PPIP5K2: variants seen among roughly 807,000 people sequenced by gnomAD.
PPIP5K2 encodes the protein diphosphoinositol pentakisphosphate kinase 2, also known as inositol hexakisphosphate and diphosphoinositol-pentakisphosphate kinase 2.
In PPIP5K2, 105 loss-of-function variants were observed where a neutral mutation model predicts 154.6. The ratio of observed to expected loss-of-function variants is 0.68; its 90% CI spans 0.58 to 0.80. The LOEUF is 0.80. Among genes scored for constraint, PPIP5K2 ranks in the 30% least tolerant of loss-of-function variants. The pLI is 0.00. For missense variants in PPIP5K2, 992 were observed against 1,504.6 expected (o/e 0.66, Z 5.64); for synonymous variants, 480 against 490.3 (o/e 0.98, Z 0.28).
rs1449795176 is a variant in PPIP5K2, at chr5:103,208,838, G to A, written c.*7204G>A. The A allele has an allele frequency of 6.6e-6, 1 of 152,066 alleles. No homozygotes were observed. Among genetic ancestry groups the A allele is most frequent in the Non-Finnish European group, 1.5e-5 (1 of 68,028 alleles). The allele number at this position is 152,066 out of a possible 1,614,324, so 9.4% of individuals were successfully genotyped here. ...GCTCTATCTCCTATTTTGGGGTTGA[G>A]GTTAAAGTGTCTTCTAGTTTTGTTG... On this transcript the variant is annotated 3_prime_UTR_variant, in exon 31 of 31. Coordinates refer to ENST00000358359, the MANE Select transcript of PPIP5K2 (RefSeq NM_001276277.3).
intron 3 of PPIP5K2, among the ~76,000 whole-genome samples, chr5:103,135,804 A>G (rs886378411): frequency 3.9e-5 from 6 of 152,112 alleles, no homozygotes; most frequent in African/African-American, 1.2e-4. Flanking sequence ...GTTCTTCACT[A>G]TATCTACTAT....
intron 19 of PPIP5K2, among the ~76,000 whole-genome samples, chr5:103,170,350 A>G (rs782531704): frequency 2.0e-5 from 3 of 151,700 alleles, no homozygotes; most frequent in South Asian, 2.1e-4. Flanking sequence ...TCAGTATGTT[A>G]TGGTGATTCT....
intron 15 of PPIP5K2, 54 bp downstream of exon 15, chr5:103,158,367 A>T (rs1795734592): frequency 1.3e-6 from 2 of 1,596,520 alleles, no homozygotes; most frequent in African/African-American, 2.7e-5. Context: ...GTATTTTGAA[A>T]TCCTCATTTG....
chr5:103,153,606 A>C (rs1554212001), intron 10 of PPIP5K2, among the ~76,000 whole-genome samples: 1 of 151,926 alleles, frequency 6.6e-6, no homozygotes, highest in East Asian at 1.9e-4. Context: ...TTTCTAGAGA[A>C]GAAAAGGTTG....
chr5:103,147,648 A>G (rs1554209658), intron 6 of PPIP5K2, among the ~76,000 whole-genome samples: 1 of 151,966 alleles, frequency 6.6e-6, no homozygotes, highest in East Asian at 1.9e-4. Context: ...AGTAGTAAAA[A>G]TGAACAAGCT....
At chr5:103,171,778 C>T (rs959464039) in intron 19 of PPIP5K2, among the ~76,000 whole-genome samples, 3 of 151,428 alleles carry the variant, frequency 2.0e-5, no homozygotes, top group Admixed American at 6.6e-5. Context: ...TCCATAAATG[C>T]GTATATATAG....
At chr5:103,141,226 G>A (rs1443070108) in intron 5 of PPIP5K2, among the ~76,000 whole-genome samples, 2 of 152,124 alleles carry the variant, frequency 1.3e-5, no homozygotes, top group African/African-American at 2.4e-5. Context: ...GCAGACCCTC[G>A]CGGTGAGTGT....
chr5:103,131,531 CAATTT>C (rs1263729642), intron 2 of PPIP5K2, among the ~76,000 whole-genome samples: 1 of 152,042 alleles, frequency 6.6e-6, no homozygotes, highest in African/African-American at 2.4e-5. Context: ...CCATGTATCA[CAATTT>C]ATTTTATTAT....
chr5:103,196,906 A>G (rs1802167288), intron 30 of PPIP5K2, among the ~76,000 whole-genome samples: 1 of 152,120 alleles, frequency 6.6e-6, no homozygotes, highest in South Asian at 2.1e-4. Context: ...AGTGGGAAAA[A>G]GAAGGATCAT....
At chr5:103,163,603 A>T (rs1796685101) in intron 17 of PPIP5K2, among the ~76,000 whole-genome samples, 1 of 151,964 alleles carries the variant, frequency 6.6e-6, no homozygotes, top group Admixed American at 6.6e-5. Context: ...TAAAAGTAGC[A>T]TTTCTAGTAA....
rs1554210429 is a variant in PPIP5K2, at chr5:103,149,220, G to A, written c.813G>A (p.Val271=). 3 of 1,613,804 alleles carry A rather than the reference G, an allele frequency of 1.9e-6. No homozygotes were observed. The highest frequency in any genetic ancestry group is 1.7e-5 in the Admixed American group (1 of 59,988). ...AATCTCCAGCACTTGATGGCAAGGT[G>A]GAACGAGACAGTGAAGGAAAAGAAG... is the stretch of plus-strand genomic sequence containing the variant. ...ARKSPALDGK[V]ERDSEGKEVR... Residue 271 remains valine (V), a synonymous_variant, in exon 8 of 31, where the codon GTG becomes GTA. Coordinates refer to ENST00000358359, the MANE Select transcript of PPIP5K2 (RefSeq NM_001276277.3).
intron 29 of PPIP5K2, among the ~76,000 whole-genome samples, chr5:103,192,876 G>T (rs1380525958): frequency 6.6e-6 from 1 of 152,126 alleles, no homozygotes; most frequent in African/African-American, 2.4e-5. Flanking sequence ...AACAGAACTA[G>T]ATGAGAAAGT....
Position 103,194,985 on chromosome 5 carries a change from A to G in PPIP5K2, c.3579A>G (p.Pro1193=). 1 of 1,613,830 alleles carries G rather than the reference A, an allele frequency of 6.2e-7. No homozygotes were observed. Among genetic ancestry groups the G allele is most frequent in the South Asian group, 1.1e-5 (1 of 91,070 alleles). Residue 1193 remains proline, a synonymous_variant, in exon 30 of 31, where the codon CCA becomes CCG. Transcript: ENST00000358359. ...CACCTGCAAAGATCCTCCCAACACC[A>G]CCAGCTACCTTAAAGAGCACTAAAG... ...TYTPAKILPT[P]PATLKSTKAS...
intron 1 of PPIP5K2, among the ~76,000 whole-genome samples, chr5:103,128,280 A>G (rs933040932): frequency 3.0e-4 from 45 of 152,208 alleles, no homozygotes; most frequent in African/African-American, 9.9e-4. Context: ...AGCATTTGTT[A>G]TGTAGTTTCA....
chr5:103,174,157 A>G (rs890264080), intron 21 of PPIP5K2, 185 bp downstream of exon 21: 1 of 476,788 alleles, frequency 2.1e-6, no homozygotes, highest in Non-Finnish European at 3.7e-6. Flanking sequence ...TGTTCTCTTC[A>G]GAGAAGATAC....
At chr5:103,149,374 C>T in intron 8 of PPIP5K2, 61 bp downstream of exon 8, 1 of 1,455,358 alleles carries the variant, frequency 6.9e-7, no homozygotes, top group Non-Finnish European at 9.3e-7. Flanking sequence ...TCTTTTTTGA[C>T]TAAGACATTA....
At chr5:103,129,774 T>G (rs1790315844) in intron 2 of PPIP5K2, 71 bp downstream of exon 2, 1 of 1,405,434 alleles carries the variant, frequency 7.1e-7, no homozygotes, top group South Asian at 1.8e-5. Context: ...TCACTGTTAG[T>G]CTTTTTTTGT....
chr5:103,142,155 G>A (rs946908014), intron 5 of PPIP5K2, among the ~76,000 whole-genome samples: 2 of 152,240 alleles, frequency 1.3e-5, no homozygotes, highest in Non-Finnish European at 2.9e-5. Context: ...GGCATAGCAG[G>A]CTGCAGGTCC....
chr5:103,164,513 T>A (rs1438266695), intron 17 of PPIP5K2, among the ~76,000 whole-genome samples: 1 of 152,092 alleles, frequency 6.6e-6, no homozygotes, highest in Non-Finnish European at 1.5e-5. Context: ...TATTTTCCTT[T>A]ATGCACTCTT....
Sources: gnomAD v4.1 joint callset for allele counts (sites outside exome capture counted in the v4.1 genomes callset) on GRCh38, gnomAD v4.1.1 for gene constraint, MANE v1.5 for transcripts, NCBI Gene and HGNC (gene_info 2026-07-23, HGNC 2026-07-21) for gene names.